MFSD11: variants seen among roughly 807,000 people sequenced by gnomAD.
MFSD11 encodes UNC93-like protein MFSD11.
Under a neutral mutation model 53.5 loss-of-function variants are expected in MFSD11, and 36 were observed. The observed-to-expected ratio is 0.67, with a 90% CI of 0.52 to 0.89. The LOEUF is 0.89. Ranked by LOEUF, MFSD11 falls within the 40% of genes least tolerant of loss-of-function variation. MFSD11 has a pLI of 0.00. For synonymous variants in MFSD11, 186 were observed against 184.9 expected, an observed-to-expected ratio of 1.01 and a Z score of -0.05; for missense variants, 530 against 543.9, an observed-to-expected ratio of 0.97 and a Z score of 0.25.
chr17:76,765,516 A>G (rs1430599935), intron 8 of MFSD11, among the ~76,000 whole-genome samples: 1 of 128,722 alleles, frequency 7.8e-6, no homozygotes, highest in Non-Finnish European at 1.5e-5. Context: ...AGGGCGGAGT[A>G]CAGTGGCTTG....
chr17:76,740,897 C>T, intron 2 of MFSD11, 60 bp from the exon 3 acceptor site: 1 of 910,940 alleles, frequency 1.1e-6, no homozygotes, highest in Non-Finnish European at 1.7e-6. Flanking sequence ...AACAGTGACA[C>T]AGCATATAAG....
intron 8 of MFSD11, among the ~76,000 whole-genome samples, chr17:76,758,645 T>C (rs1005342351): frequency 2.7e-5 from 4 of 146,356 alleles, no homozygotes; most frequent in African/African-American, 7.6e-5. Context: ...CAACACAACC[T>C]AACAAACTTG....
chr17:76,790,517 C>T, the MFSD11 span, among the ~76,000 whole-genome samples: 1 of 144,122 alleles, frequency 6.9e-6, no homozygotes, highest in Admixed American at 6.8e-5. Context: ...CAGGTTTTGC[C>T]GTGTTGGCCA....
intron 6 of MFSD11, 30 bp from the exon 7 acceptor site, chr17:76,744,292 A>C: frequency 6.3e-7 from 1 of 1,593,782 alleles, no homozygotes; most frequent in Non-Finnish European, 8.5e-7. Context: ...TTTGGTCGAT[A>C]CTATCTTGTT....
chr17:76,787,941 C>T, the MFSD11 span, among the ~76,000 whole-genome samples: 4,987 of 149,944 alleles, frequency 0.033, 459 homozygotes, highest in African/African-American at 0.11. Context: ...CATCACATGA[C>T]AGATAGGAGA....
At chr17:76,745,594 T>C (rs779799856) in intron 7 of MFSD11, among the ~76,000 whole-genome samples, 10 of 152,186 alleles carry the variant, frequency 6.6e-5, no homozygotes, top group Non-Finnish European at 1.5e-4. Context: ...ACTATTGCAA[T>C]TGTTTTGGGG....
chr17:76,752,009 G>A (rs1329918762), intron 7 of MFSD11, among the ~76,000 whole-genome samples: 1 of 152,188 alleles, frequency 6.6e-6, no homozygotes, highest in Non-Finnish European at 1.5e-5. Context: ...TCTGAAGAGT[G>A]TTATTGAATA....
At chr17:76,777,044 G>T (rs1175698135) in intron 12 of MFSD11, among the ~76,000 whole-genome samples, 1 of 152,030 alleles carries the variant, frequency 6.6e-6, no homozygotes, top group Non-Finnish European at 1.5e-5. Flanking sequence ...AAGGTGGGCG[G>T]ATCACGAGGT....
upstream of MFSD11, chr17:76,737,941 A>C (rs564794103): frequency 5.3e-4 from 112 of 213,266 alleles, no homozygotes; most frequent in African/African-American, 2.5e-3. Flanking sequence ...TACGTTTCCC[A>C]GCGGGCCGAG....
the MFSD11 span, among the ~76,000 whole-genome samples, chr17:76,793,036 T>A: frequency 6.6e-6 from 1 of 151,254 alleles, no homozygotes; most frequent in Non-Finnish European, 1.5e-5. Flanking sequence ...CACAAGGTAA[T>A]AGAATATCAC....
chr17:76,759,704 A>G (rs1598643367), intron 8 of MFSD11, among the ~76,000 whole-genome samples: 2 of 133,868 alleles, frequency 1.5e-5, no homozygotes, highest in Admixed American at 1.6e-4. Context: ...TGATCTGCCT[A>G]CCTTGGCCTC....
downstream of MFSD11, among the ~76,000 whole-genome samples, chr17:76,785,284 A>AT (rs2082259978): frequency 1.3e-5 from 2 of 152,272 alleles, no homozygotes; most frequent in East Asian, 3.9e-4. Context: ...ATGGAGTCAG[A>AT]TGTAGAATGG....
rs530066616 is a variant in MFSD11 at position 76,765,154 on chromosome 17, T to C, written c.683-2232T>C. On this transcript the variant is annotated intron_variant, in intron 8 of 12. Coordinates refer to ENST00000685175, the MANE Select transcript of MFSD11 (RefSeq NM_001242532.5). ...TAGTTTTAGCTCTTACATTTAGGTC[T>C]GTGATTCATTTTCAGTTAATTTTTA... is the stretch of plus-strand genomic sequence containing the variant. Among the ~76,000 whole-genome samples the C allele has an allele frequency of 7.9e-4, 121 of 152,344 alleles. No homozygotes were observed. In the South Asian group the frequency reaches 0.013, roughly 16 times the overall value.
At chr17:76,747,168 T>C (rs556223137) in intron 7 of MFSD11, among the ~76,000 whole-genome samples, 3 of 152,218 alleles carry the variant, frequency 2.0e-5, no homozygotes, top group East Asian at 3.9e-4. Flanking sequence ...GCAAAGTAAA[T>C]TGTAAACCTT....
intron 7 of MFSD11, among the ~76,000 whole-genome samples, chr17:76,750,621 G>T (rs975530892): frequency 6.6e-6 from 1 of 152,030 alleles, no homozygotes; most frequent in Non-Finnish European, 1.5e-5. Flanking sequence ...CTCCCAAAGT[G>T]CTGGGATTAC....
chr17:76,747,735 A>G (rs538646967), intron 7 of MFSD11, among the ~76,000 whole-genome samples: 1 of 152,156 alleles, frequency 6.6e-6, no homozygotes, highest in East Asian at 1.9e-4. Flanking sequence ...TTCAGCCAGC[A>G]CATGTTTGGT....
intron 12 of MFSD11, among the ~76,000 whole-genome samples, chr17:76,777,434 C>T (rs890072645): frequency 1.3e-5 from 2 of 152,190 alleles, no homozygotes; most frequent in Non-Finnish European, 2.9e-5. Flanking sequence ...GAGGTTTTGC[C>T]ATTTTGGCCA....
chr17:76,766,182 C>T (rs189354722), intron 8 of MFSD11, among the ~76,000 whole-genome samples: 23 of 151,264 alleles, frequency 1.5e-4, no homozygotes, highest in South Asian at 4.2e-4. Flanking sequence ...TTTGGGAGGC[C>T]GAGGTGGGTG....
At chr17:76,738,041 C>G, upstream of MFSD11, 1 of 385,828 alleles carries the variant, frequency 2.6e-6, no homozygotes, top group Non-Finnish European at 4.6e-6. Context: ...GCTGCTGCGG[C>G]TGGCACTTGG....
Sources: gnomAD v4.1 joint callset for allele counts (sites outside exome capture counted in the v4.1 genomes callset) on GRCh38, gnomAD v4.1.1 for gene constraint, MANE v1.5 for transcripts, NCBI Gene and HGNC (gene_info 2026-07-23, HGNC 2026-07-21) for gene names.